Variants in TSG101 observed in about 807,000 individuals in gnomAD.
The protein encoded by TSG101 is tumor susceptibility gene 101 protein.
Under a neutral mutation model 48.5 loss-of-function variants are expected in TSG101, and 19 were observed. That is an observed-to-expected ratio of 0.39 (90% confidence interval 0.27 to 0.58). The LOEUF (loss-of-function observed/expected upper bound fraction) is 0.58, where lower values mean the gene tolerates loss of function less well. Among genes scored for constraint, TSG101 ranks in the 20% least tolerant of loss-of-function variants. The pLI is 0.55. For missense variants in TSG101, 365 were observed against 484.4 expected (o/e 0.75, Z 2.31); for synonymous variants, 174 against 169.4 (o/e 1.03, Z -0.21).
intron 4 of TSG101, among the ~76,000 whole-genome samples, chr11:18,510,045 C>G (rs889146022): frequency 9.2e-5 from 14 of 152,016 alleles, no homozygotes; most frequent in Non-Finnish European, 1.8e-4. Context: ...TATTAAAGGC[C>G]ATTAAAAGAC....
intron 7 of TSG101, 46 bp downstream of exon 7, chr11:18,502,440 T>C (rs1428517137): frequency 6.6e-7 from 1 of 1,510,886 alleles, no homozygotes; most frequent in African/African-American, 1.4e-5. Context: ...AACAGGGAGT[T>C]AGACTTTGCT....
Position 18,520,805 on chromosome 11 carries a change from G to A in TSG101, c.43-1202C>T, listed in dbSNP as rs192413985. ...CCTAGCATTTTGGGAGGCCGAGGCA[G>A]GCGGATCACGAGGTCAGGAGTTCGA... On this transcript the variant is annotated intron_variant, in intron 1 of 9. Transcript: ENST00000251968. Among the ~76,000 whole-genome samples the A allele has an allele frequency of 3.3e-5, 5 of 152,214 alleles. No individual in the cohort carries two copies. The East Asian group carries it at 9.7e-4, about 29-fold the overall frequency.
intron 2 of TSG101, among the ~76,000 whole-genome samples, chr11:18,517,504 T>A (rs1259331529): frequency 6.6e-6 from 1 of 152,194 alleles, no homozygotes; most frequent in African/African-American, 2.4e-5. Context: ...ACTATAGCCA[T>A]CTACTGTGTA....
Position 18,499,293 on chromosome 11 carries a change from T to C in TSG101, c.640+3193A>G, listed in dbSNP as rs918380022. Among the ~76,000 whole-genome samples the C allele has an allele frequency of 3.4e-5, 4 of 117,926 alleles. No individual in the cohort carries two copies. In the East Asian group the frequency reaches 1.1e-3, roughly 34 times the overall value. The allele number at this position is 117,926 out of a possible 152,430, so 77.4% of individuals were successfully genotyped here. ...TATATATTTATATATATCATATATATTTATATTTATATATTTATTTATATA... is the reference window on the plus strand; with the variant it reads ...TATATATTTATATATATCATATATACTTATATTTATATATTTATTTATATA... On this transcript the variant is annotated intron_variant, in intron 7 of 9. Transcript: ENST00000251968.
intron 7 of TSG101, among the ~76,000 whole-genome samples, chr11:18,501,390 T>C (rs1419467516): frequency 6.6e-6 from 1 of 152,230 alleles, no homozygotes; most frequent in Non-Finnish European, 1.5e-5. Flanking sequence ...CCAATATATG[T>C]TCTTGGCACC....
At chr11:18,493,477 C>G (rs1849727166) in intron 7 of TSG101, among the ~76,000 whole-genome samples, 1 of 152,124 alleles carries the variant, frequency 6.6e-6, no homozygotes, top group Non-Finnish European at 1.5e-5. Context: ...AATCCATAAG[C>G]CCAAAGTAAA....
chr11:18,526,527 G>A (rs1409096808), intron 1 of TSG101, among the ~76,000 whole-genome samples: 1 of 152,256 alleles, frequency 6.6e-6, no homozygotes, highest in Non-Finnish European at 1.5e-5. Context: ...GTGGGCGGCA[G>A]GTGTCAGGTA....
At chr11:18,498,267 C>G (rs562007131) in intron 7 of TSG101, among the ~76,000 whole-genome samples, 4 of 152,164 alleles carry the variant, frequency 2.6e-5, no homozygotes, top group South Asian at 2.1e-4. Context: ...GGACTGAACT[C>G]TGAGTGAAAC....
chr11:18,497,719 G>A (rs1363192466), intron 7 of TSG101, among the ~76,000 whole-genome samples: 1 of 152,120 alleles, frequency 6.6e-6, no homozygotes, highest in Non-Finnish European at 1.5e-5. Flanking sequence ...AAATAAGAGA[G>A]CTTCACCAGA....
At chr11:18,483,821 A>G in intron 8 of TSG101, 49 bp downstream of exon 8, 1 of 1,597,730 alleles carries the variant, frequency 6.3e-7, no homozygotes, top group East Asian at 2.2e-5. Flanking sequence ...ACACTCTGCC[A>G]TGGCTACAAT....
intron 2 of TSG101, among the ~76,000 whole-genome samples, chr11:18,517,079 G>A (rs926384916): frequency 2.0e-5 from 3 of 151,948 alleles, no homozygotes; most frequent in Non-Finnish European, 4.4e-5. Context: ...TTGGAGACAG[G>A]GTCTTGCTAT....
intron 7 of TSG101, among the ~76,000 whole-genome samples, chr11:18,486,743 T>C (rs1305579211): frequency 4.0e-5 from 6 of 151,566 alleles, no homozygotes; most frequent in East Asian, 1.9e-4. Flanking sequence ...AGAAATACCA[T>C]TTGACCCAGC....
intron 7 of TSG101, among the ~76,000 whole-genome samples, chr11:18,491,895 C>G (rs1209704343): frequency 6.6e-6 from 1 of 152,190 alleles, no homozygotes; most frequent in Non-Finnish European, 1.5e-5. Flanking sequence ...GATTAAAATA[C>G]GTCAGAGAGT....
intron 9 of TSG101, chr11:18,481,341 G>C: frequency 8.9e-7 from 1 of 1,122,292 alleles, no homozygotes; most frequent in Non-Finnish European, 1.1e-6. Flanking sequence ...ATGGAAATCT[G>C]ATCGTACCTC....
rs1849544242 is a variant in TSG101 at position 18,481,716 on chromosome 11, C to T, written c.997G>A (p.Ala333Thr). The T allele has an allele frequency of 1.2e-6, 2 of 1,614,164 alleles. No individual in the cohort carries two copies. Among genetic ancestry groups the T allele is most frequent in the East Asian group, 4.5e-5 (2 of 44,870 alleles). Residue 333 changes from alanine to threonine, a missense_variant, in exon 9 of 10, where the codon GCA becomes ACA. Coordinates refer to ENST00000251968, the MANE Select transcript of TSG101 (RefSeq NM_006292.4). ...GTGTCTTCAATAGCGTTTTCTTCTG[C>T]ATACAGATTCAGGATCTGTTTGTAT... ...PLYKQILNLY[A>T]EENAIEDTIF...
At chr11:18,496,139 T>TA (rs1262504598) in intron 7 of TSG101, among the ~76,000 whole-genome samples, 2 of 152,196 alleles carry the variant, frequency 1.3e-5, no homozygotes, top group African/African-American at 4.8e-5. Context: ...TGGTAAATTT[T>TA]AAATCTTTCT....
At chr11:18,492,406 C>T (rs2133909235) in intron 7 of TSG101, among the ~76,000 whole-genome samples, 1 of 152,282 alleles carries the variant, frequency 6.6e-6, no homozygotes, top group Non-Finnish European at 1.5e-5. Flanking sequence ...CATCAACATA[C>T]TTTGTTAAAG....
chr11:18,520,315 C>T (rs1426174704), intron 1 of TSG101, among the ~76,000 whole-genome samples: 2 of 152,196 alleles, frequency 1.3e-5, no homozygotes, highest in Non-Finnish European at 2.9e-5. Context: ...CCTCGAACTC[C>T]TGGGCTCAAG....
intron 7 of TSG101, among the ~76,000 whole-genome samples, chr11:18,497,549 A>G (rs1385064336): frequency 6.7e-6 from 1 of 149,024 alleles, no homozygotes; most frequent in Non-Finnish European, 1.5e-5. Context: ...CATCTAAGCT[A>G]TAAAAAAATG....
Sources: allele counts gnomAD v4.1 joint callset (sites outside exome capture counted in the v4.1 genomes callset), GRCh38; gene constraint gnomAD v4.1.1; transcripts MANE v1.5; gene names NCBI Gene and HGNC (gene_info 2026-07-23, HGNC 2026-07-21).